Variants in ALDH3B2 observed in about 807,000 individuals in gnomAD.
ALDH3B2 encodes aldehyde dehydrogenase family 3 member B2.
Under a neutral mutation model 36.7 loss-of-function variants are expected in ALDH3B2, and 45 were observed. The ratio of observed to expected loss-of-function variants is 1.23; its 90% CI spans 0.97 to 1.57. ALDH3B2 has a LOEUF of 1.57. Among genes scored for constraint, ALDH3B2 ranks in the 40% most tolerant of loss-of-function variants. The pLI is 0.00. For missense variants in ALDH3B2, 464 were observed against 513.3 expected (o/e 0.90, Z 0.93); for synonymous variants, 217 against 226.5 (o/e 0.96, Z 0.38).
chr11:67,665,481 C>T (rs1279867009), exon 7 of ALDH3B2: 6 of 1,614,088 alleles, frequency 3.7e-6, no homozygotes, highest in African/African-American at 2.7e-5. Flanking sequence ...CGGGGCTGCA[C>T]AGGACGTAGT....
At chr11:67,669,127 CTG>C (rs1435208476) in intron 1 of ALDH3B2, among the ~76,000 whole-genome samples, 2 of 144,808 alleles carry the variant, frequency 1.4e-5, no homozygotes, top group African/African-American at 2.6e-5. Context: ...GTGTGGGTGT[CTG>C]TGTTTCTTTG....
chr11:67,666,083 C>T (rs780873742), intron 6 of ALDH3B2, 39 bp downstream of exon 6: 4 of 1,607,346 alleles, frequency 2.5e-6, no homozygotes, highest in Non-Finnish European at 3.4e-6. Context: ...CCTGATGATC[C>T]CCTCCACCTA....
chr11:67,662,941 CGA>C, exon 10 of ALDH3B2: 1 of 476,360 alleles, frequency 2.1e-6, no homozygotes, highest in South Asian at 2.6e-5. Context: ...CAACCCTGAC[CGA>C]GAGGGCAAAG....
At chr11:67,677,234 A>T (rs1856288913), upstream of ALDH3B2, among the ~76,000 whole-genome samples, 1 of 152,108 alleles carries the variant, frequency 6.6e-6, no homozygotes, top group Admixed American at 6.5e-5. Flanking sequence ...ATTCAACACC[A>T]TATCAAAAAG....
upstream of ALDH3B2, among the ~76,000 whole-genome samples, chr11:67,676,946 G>T (rs1856284160): frequency 6.6e-6 from 1 of 152,128 alleles, no homozygotes; most frequent in Admixed American, 6.6e-5. Flanking sequence ...GCAGCGGGAT[G>T]GAAGTGGTAA....
At chr11:67,666,336 G>A in exon 5 of ALDH3B2, 1 of 1,606,522 alleles carries the variant, frequency 6.2e-7, no homozygotes, top group Non-Finnish European at 8.5e-7. Flanking sequence ...TACTGGGGCA[G>A]CACCTCAGCC....
chr11:67,666,294 G>C (rs1565247098), intron 5 of ALDH3B2, 22 bp downstream of exon 5: 39 of 1,609,954 alleles, frequency 2.4e-5, no homozygotes, highest in Non-Finnish European at 3.1e-5. Flanking sequence ...GTCGGGCACT[G>C]CTGGGGCAGG....
rs1855935471 is a variant in ALDH3B2 at position 67,666,897 on chromosome 11, A to G, written c.30+9T>C. ...CCCTGCCCTCCTGCCGCCTGCCAGC[A>G]GGGCTCACCAGGTTCGTGGACCGTG... On this transcript the variant is annotated intron_variant, in intron 3 of 9. Coordinates refer to ENST00000349015, the Ensembl canonical transcript of ALDH3B2. 6.2e-7 allele frequency: 1 copy of G among 1,614,100 alleles called. No homozygotes were observed. Among genetic ancestry groups the G allele is most frequent in the Non-Finnish European group, 8.5e-7 (1 of 1,180,038 alleles).
chr11:67,668,167 C>T (rs1323400991), intron 1 of ALDH3B2, among the ~76,000 whole-genome samples: 1 of 152,162 alleles, frequency 6.6e-6, no homozygotes, highest in Non-Finnish European at 1.5e-5. Flanking sequence ...AAACTGAAGC[C>T]ATAGGCATGC....
intron 8 of ALDH3B2, among the ~76,000 whole-genome samples, chr11:67,663,965 G>A (rs1229862915): frequency 1.3e-5 from 2 of 152,266 alleles, no homozygotes; most frequent in East Asian, 1.9e-4. Flanking sequence ...CCACCATGGC[G>A]CAAAGACCAG....
upstream of ALDH3B2, among the ~76,000 whole-genome samples, chr11:67,678,668 TAC>T (rs917327723): frequency 1.9e-4 from 28 of 148,518 alleles, no homozygotes; most frequent in Middle Eastern, 7.1e-3. Flanking sequence ...GATATATATA[TAC>T]ACACACACTA....
At chr11:67,663,746 G>T in exon 9 of ALDH3B2, 1 of 1,611,978 alleles carries the variant, frequency 6.2e-7, no homozygotes, top group Non-Finnish European at 8.5e-7. Flanking sequence ...GTCCGCTCCA[G>T]CATCTGGTTC....
upstream of ALDH3B2, among the ~76,000 whole-genome samples, chr11:67,677,169 G>C (rs957487073): frequency 2.0e-5 from 3 of 152,104 alleles, no homozygotes; most frequent in Admixed American, 2.0e-4. Context: ...ATGACAGACT[G>C]ATATCCTTGA....
At chr11:67,666,512 G>A (rs919325742) in intron 4 of ALDH3B2, 62 bp downstream of exon 4, 2 of 1,609,480 alleles carry the variant, frequency 1.2e-6, no homozygotes, top group African/African-American at 1.3e-5. Flanking sequence ...CAAGATTCCA[G>A]GGGCCTCTTT....
chr11:67,673,199 G>A lies in ALDH3B2; in HGVS notation c.-245+1238C>T, dbSNP rs1166034986. On this transcript the variant is annotated intron_variant, in intron 1 of 9. Transcript: ENST00000349015. ...CCCGCCTCGGCCTCCCAAAGTGCTG[G>A]GATTACAGGCAAAATAAACTTTATA... Among the ~76,000 whole-genome samples the A allele has an allele frequency of 2.0e-5, 3 of 152,022 alleles. No individual in the cohort carries two copies. The East Asian group carries it at 5.8e-4, about 29-fold the overall frequency.
upstream of ALDH3B2, among the ~76,000 whole-genome samples, chr11:67,678,508 A>G (rs1856310174): frequency 6.6e-6 from 1 of 152,162 alleles, no homozygotes; most frequent in Admixed American, 6.5e-5. Flanking sequence ...AGCTGAAACT[A>G]TACAAATTCT....
At chr11:67,676,382 TG>T, upstream of ALDH3B2, among the ~76,000 whole-genome samples, 1 of 152,146 alleles carries the variant, frequency 6.6e-6, no homozygotes, top group Admixed American at 6.5e-5. Context: ...AAAATCAAGA[TG>T]GAAATTAAAA....
chr11:67,669,015 GTGTCTGTGTCTCTTTGTGTGTATGGA>G (rs1856001501), intron 1 of ALDH3B2, among the ~76,000 whole-genome samples: 1 of 151,178 alleles, frequency 6.6e-6, no homozygotes, highest in Non-Finnish European at 1.5e-5. Flanking sequence ...GTGTATATGG[GTGTCTGTGTCTCTTTGTGTGTATGGA>G]TGTCTGTGTC....
Position 67,666,577 on chromosome 11 carries a change from C to T in ALDH3B2, c.148G>A (p.Ala50Thr), listed in dbSNP as rs3741178. 714 of 1,613,894 alleles carry T rather than the reference C, an allele frequency of 4.4e-4. 10 individuals carry two copies. In the East Asian group the frequency reaches 0.014, roughly 31 times the overall value. The change falls in exon 4 of 10, where the codon GCA becomes ACA. Residue 50 changes from alanine (A) to threonine (T), a missense_variant. Physicochemically the swap from Ala to Thr is moderately conservative, Grantham distance 58 (BLOSUM62 0). Transcript: ENST00000349015. ...GGGTTCGGAACGCCCTCCTCACCTG[C>T]GGCGAGGGCGCCCACCAGGAGCACC... is the stretch of plus-strand genomic sequence containing the variant.
Sources: allele counts gnomAD v4.1 joint callset (sites outside exome capture counted in the v4.1 genomes callset), GRCh38; gene constraint gnomAD v4.1.1; transcripts MANE v1.5; gene names NCBI Gene and HGNC (gene_info 2026-07-23, HGNC 2026-07-21).